Variants in DDX4 observed in about 807,000 individuals in gnomAD.
DDX4 encodes DEAD-box helicase 4.
Under a neutral mutation model 100.0 loss-of-function variants are expected in DDX4, and 25 were observed. That is an observed-to-expected ratio of 0.25 (90% CI 0.18 to 0.35). The LOEUF is 0.35. Ranked by LOEUF, DDX4 falls within the 10% of genes least tolerant of loss-of-function variation. The pLI is 1.00. For missense variants in DDX4, 635 were observed against 882.4 expected (o/e 0.72, Z 3.55); for synonymous variants, 259 against 275.7 (o/e 0.94, Z 0.60).
chr5:55,791,795 T>C (rs1742577940), intron 16 of DDX4, among the ~76,000 whole-genome samples: 1 of 152,142 alleles, frequency 6.6e-6, no homozygotes, highest in Non-Finnish European at 1.5e-5. Context: ...CTAGCTACCT[T>C]TGGCTAATGA....
In DDX4 at chr5:55,763,166, C is replaced by T; in HGVS notation, c.206-9C>T. 6.3e-7 allele frequency: 1 copy of T among 1,593,726 alleles called. No individual in the cohort carries two copies. The highest frequency in any genetic ancestry group is 8.6e-7 in the Non-Finnish European group (1 of 1,162,710). Reference sequence around the variant, plus strand: ...ATGTTAAAGAGTTTAACTGTCCACCCTTTTTCAGATGCTGGTGAGTGTAAT... The same window carrying T: ...ATGTTAAAGAGTTTAACTGTCCACCTTTTTTCAGATGCTGGTGAGTGTAAT... On this transcript the variant is annotated splice_polypyrimidine_tract_variant and intron_variant, in intron 4 of 21. Transcript: ENST00000505374.
chr5:55,753,177 T>C (rs1458827067), intron 3 of DDX4, among the ~76,000 whole-genome samples: 2 of 152,178 alleles, frequency 1.3e-5, no homozygotes, highest in Non-Finnish European at 2.9e-5. Flanking sequence ...GTGCAGAAGC[T>C]CTTTAGTTTA....
intron 15 of DDX4, among the ~76,000 whole-genome samples, chr5:55,789,191 A>G (rs1443239704): frequency 6.6e-6 from 1 of 152,258 alleles, no homozygotes; most frequent in Non-Finnish European, 1.5e-5. Context: ...GCAGTCTATC[A>G]GAAGTCCAAT....
chr5:55,790,301 T>A (rs541855013), intron 15 of DDX4, among the ~76,000 whole-genome samples: 1 of 152,072 alleles, frequency 6.6e-6, no homozygotes, highest in Admixed American at 6.5e-5. Context: ...CATGCTACCA[T>A]GCCTGGCCAA....
Position 55,767,787 on chromosome 5 carries a change from T to G in DDX4, c.335-94T>G, listed in dbSNP as rs1580544135. 8.6e-6 allele frequency: 7 copies of G among 816,800 alleles called. 1 individual carries two copies. In the South Asian group the frequency reaches 1.6e-4, roughly 18 times the overall value. The allele number at this position is 816,800 out of a possible 1,614,324, so 50.6% of individuals were successfully genotyped here. ...TTTTAACTTATGAAAATATTTTGTC[T>G]TCTTACTAATTTATCTTGTGACAGT... On this transcript the variant is annotated intron_variant, in intron 6 of 21. Coordinates refer to ENST00000505374, the MANE Select transcript of DDX4 (RefSeq NM_024415.3).
chr5:55,812,496 G>A (rs367822861), intron 18 of DDX4, among the ~76,000 whole-genome samples: 5 of 152,098 alleles, frequency 3.3e-5, no homozygotes, highest in East Asian at 3.9e-4. Context: ...CCCGGGAGGC[G>A]GAGGTTGCAG....
At chr5:55,809,022 C>T (rs1032581180) in intron 18 of DDX4, among the ~76,000 whole-genome samples, 19 of 152,212 alleles carry the variant, frequency 1.2e-4, no homozygotes, top group African/African-American at 4.6e-4. Flanking sequence ...ATGGCAGGTG[C>T]CCCTCCCCTA....
intron 7 of DDX4, among the ~76,000 whole-genome samples, chr5:55,775,259 G>A (rs898769975): frequency 7.2e-5 from 11 of 152,066 alleles, no homozygotes; most frequent in African/African-American, 2.7e-4. Flanking sequence ...TCCATGTGAC[G>A]GACACTTGGA....
At position 55,787,855 on chromosome 5, in the gene DDX4, C is replaced by T; in HGVS notation, c.1027C>T (p.Leu343Phe). The change falls in exon 15 of 22, where the codon CTC (leucine) becomes TTC (phenylalanine). Residue 343 changes from leucine to phenylalanine, a missense_variant. By Grantham distance (22) the Leu-to-Phe change is conservative. Around this residue, in one of 4 missense-constraint regions of DDX4, gnomAD observed 446 missense variants for 540.8 expected, o/e 0.82. Transcript: ENST00000505374. ...QTGSGKTAAF[L>F]LPILAHMMHD... ...GCAACTTAACTTCTAGGCGGCTTTT[C>T]TCCTACCAATTTTGGCTCATATGAT... The T allele has an allele frequency of 6.2e-7, 1 of 1,611,642 alleles. No homozygotes were observed.
At chr5:55,760,072 CTGTT>C (rs375706066) in intron 3 of DDX4, 124 bp from the exon 4 acceptor site, 31 of 735,066 alleles carry the variant, frequency 4.2e-5, no homozygotes, top group Non-Finnish European at 5.9e-5. Flanking sequence ...TTTTACTGGG[CTGTT>C]TGTCACCTTT....
At chr5:55,789,264 T>C (rs891324132) in intron 15 of DDX4, among the ~76,000 whole-genome samples, 13 of 152,210 alleles carry the variant, frequency 8.5e-5, no homozygotes, top group African/African-American at 2.9e-4. Flanking sequence ...AAAACATAGT[T>C]GCTTTCAACA....
intron 14 of DDX4, among the ~76,000 whole-genome samples, chr5:55,787,238 T>G (rs929510958): frequency 6.6e-6 from 1 of 152,186 alleles, no homozygotes; most frequent in African/African-American, 2.4e-5. Context: ...TTAATCAGCC[T>G]TCATAGTAGA....
chr5:55,770,206 T>G (rs552314507), intron 7 of DDX4, among the ~76,000 whole-genome samples: 181 of 119,632 alleles, frequency 1.5e-3, no homozygotes, highest in African/African-American at 5.5e-3. Flanking sequence ...TTGGTTGTGG[T>G]TTTTTTTTCC....
chr5:55,796,555 T>C (rs1406166935), intron 17 of DDX4, among the ~76,000 whole-genome samples: 2 of 152,214 alleles, frequency 1.3e-5, no homozygotes, highest in East Asian at 3.8e-4. Context: ...TCCATCTTCA[T>C]AGACTGATTT....
intron 7 of DDX4, among the ~76,000 whole-genome samples, chr5:55,775,380 C>T (rs1028340340): frequency 5.9e-5 from 9 of 152,046 alleles, no homozygotes; most frequent in African/African-American, 1.9e-4. Flanking sequence ...GTTGAGTTGC[C>T]GGGAGATGGA....
At position 55,781,867 on chromosome 5, in the gene DDX4, AC is replaced by A. The variant is rs564079244; in HGVS notation, c.578-66del. 87 of 1,561,414 alleles carry A rather than the reference AC, an allele frequency of 5.6e-5. No individual in the cohort carries two copies. The Admixed American group carries it at 1.4e-3, about 25-fold the overall frequency. On this transcript the variant is annotated intron_variant, in intron 9 of 21. Transcript: ENST00000505374. ...ATAACTTTGTTGAATAGAAATAACA[AC>A]ATGGTTTGTGTGCTTGAGCAGCAGC...
intron 18 of DDX4, among the ~76,000 whole-genome samples, chr5:55,810,853 AGG>A (rs1744086661): frequency 6.6e-6 from 1 of 152,196 alleles, no homozygotes; most frequent in African/African-American, 2.4e-5. Context: ...TGATTAGTGT[AGG>A]ATTCGTGGGT....
intron 2 of DDX4, among the ~76,000 whole-genome samples, chr5:55,745,076 C>T (rs1046671620): frequency 9.2e-5 from 14 of 152,112 alleles, no homozygotes; most frequent in African/African-American, 1.2e-4. Flanking sequence ...GATGGGGTTT[C>T]TCCATGTTGG....
At chr5:55,747,899 TA>T (rs1172848819) in intron 3 of DDX4, among the ~76,000 whole-genome samples, 2 of 152,200 alleles carry the variant, frequency 1.3e-5, no homozygotes, top group Non-Finnish European at 2.9e-5. Context: ...ATTTTTCTTA[TA>T]AAAAATTAGT....
Sources: allele counts gnomAD v4.1 joint callset (sites outside exome capture counted in the v4.1 genomes callset), GRCh38; gene constraint gnomAD v4.1.1; regional missense constraint gnomAD v4.1.1; transcripts MANE v1.5; gene names NCBI Gene and HGNC (gene_info 2026-07-23, HGNC 2026-07-21).